Variants in SCD5 observed in about 807,000 individuals in gnomAD.
The protein encoded by SCD5 is acyl-CoA-desaturase 4.
A neutral mutation model predicts 30.4 loss-of-function variants in SCD5; 20 were observed. That is an observed-to-expected ratio of 0.66 (90% CI 0.46 to 0.96). The LOEUF (loss-of-function observed/expected upper bound fraction) is 0.96, where lower values mean the gene tolerates loss of function less well. Among genes scored for constraint, SCD5 ranks in the 40% least tolerant of loss-of-function variants. The pLI, the probability that SCD5 is intolerant of heterozygous loss-of-function variation, is 0.00. For missense variants in SCD5, 381 were observed against 443.3 expected (o/e 0.86, Z 1.26); for synonymous variants, 173 against 176.4 (o/e 0.98, Z 0.16).
intron 1 of SCD5, among the ~76,000 whole-genome samples, chr4:82,753,171 GAC>G (rs376502957): frequency 3.8e-4 from 58 of 152,264 alleles, no homozygotes; most frequent in Non-Finnish European, 7.6e-4. Context: ...CAGTTTGAGA[GAC>G]ATGTGTCTAG....
chr4:82,784,693 T>G (rs866162725), intron 1 of SCD5, among the ~76,000 whole-genome samples: 9 of 151,218 alleles, frequency 6.0e-5, no homozygotes, highest in Admixed American at 1.3e-4. Flanking sequence ...TAACAGACTG[T>G]TTTTTTTTAA....
chr4:82,749,137 A>C (rs1370059647), intron 1 of SCD5, among the ~76,000 whole-genome samples: 1 of 152,252 alleles, frequency 6.6e-6, no homozygotes, highest in Non-Finnish European at 1.5e-5. Flanking sequence ...AAGGCAAGCT[A>C]GTTTTATACT....
chr4:82,662,280 T>C (rs184669845), intron 3 of SCD5, among the ~76,000 whole-genome samples: 56 of 152,238 alleles, frequency 3.7e-4, no homozygotes, highest in Admixed American at 8.5e-4. Flanking sequence ...CTCAGACTCC[T>C]GGCTTAAAGC....
At chr4:82,670,073 T>C (rs985776938) in intron 3 of SCD5, among the ~76,000 whole-genome samples, 12 of 152,150 alleles carry the variant, frequency 7.9e-5, no homozygotes, top group African/African-American at 2.7e-4. Context: ...GCAGTTCCTT[T>C]TACTCAGTAC....
At chr4:82,746,308 G>A (rs1720981035) in intron 1 of SCD5, among the ~76,000 whole-genome samples, 4 of 152,232 alleles carry the variant, frequency 2.6e-5, no homozygotes, top group Admixed American at 2.6e-4. Context: ...CCAGGCTAGA[G>A]CTCTCTTAGG....
chr4:82,769,531 T>A (rs1311365537), intron 1 of SCD5, among the ~76,000 whole-genome samples: 1 of 152,146 alleles, frequency 6.6e-6, no homozygotes, highest in Non-Finnish European at 1.5e-5. Flanking sequence ...AGTATTGAAC[T>A]GGGGAAAACT....
chr4:82,763,251 T>A (rs1287161487), intron 1 of SCD5, among the ~76,000 whole-genome samples: 2 of 152,076 alleles, frequency 1.3e-5, no homozygotes, highest in African/African-American at 4.8e-5. Flanking sequence ...GTGACTCACA[T>A]CTGTAATCCC....
At chr4:82,720,441 TAAAAAAAAA>T (rs1553917690) in intron 1 of SCD5, among the ~76,000 whole-genome samples, 1,084 of 77,940 alleles carry the variant, frequency 0.014, 41 homozygotes, top group African/African-American at 0.055. Flanking sequence ...AAGGCAAAAA[TAAAAAAAAA>T]AAAAAAAAAA....
intron 3 of SCD5, among the ~76,000 whole-genome samples, chr4:82,671,676 G>A (rs937604156): frequency 1.3e-5 from 2 of 152,248 alleles, no homozygotes; most frequent in East Asian, 1.9e-4. Context: ...TCAGGAGTTC[G>A]AAACCAGCCT....
chr4:82,664,420 A>C (rs980868590), intron 3 of SCD5, among the ~76,000 whole-genome samples: 1 of 122,644 alleles, frequency 8.2e-6, no homozygotes, highest in Non-Finnish European at 1.7e-5. Flanking sequence ...ATTCAATTAA[A>C]ATTGAGTCAC....
intron 1 of SCD5, among the ~76,000 whole-genome samples, chr4:82,711,672 C>T (rs1720089544): frequency 6.6e-6 from 1 of 151,178 alleles, no homozygotes; most frequent in East Asian, 1.9e-4. Flanking sequence ...CACCACTGTT[C>T]TCCAGCCTGG....
chr4:82,788,816 C>T (rs1430602393), intron 1 of SCD5, among the ~76,000 whole-genome samples: 2 of 152,208 alleles, frequency 1.3e-5, no homozygotes, highest in African/African-American at 4.8e-5. Flanking sequence ...AGGACATTGA[C>T]TCCATGTGCT....
intron 3 of SCD5, among the ~76,000 whole-genome samples, chr4:82,680,136 G>A (rs1300741188): frequency 6.6e-6 from 1 of 152,160 alleles, no homozygotes; most frequent in African/African-American, 2.4e-5. Flanking sequence ...GCAAATGCTG[G>A]CCGACTGGGT....
rs183668727 is a variant in SCD5, at chr4:82,758,788, G to A, written c.232+39518C>T. Among the ~76,000 whole-genome samples the A allele has an allele frequency of 3.5e-3, 530 of 152,204 alleles. 3 individuals are homozygous for A. The highest frequency in any genetic ancestry group is 0.012 in the African/African-American group (510 of 41,504). On this transcript the variant is annotated intron_variant, in intron 1 of 4. Transcript: ENST00000319540. Reference sequence around the variant, plus strand: ...GACACTGTAAGATGGGCCGGCACCCGCGGAGCTCAGGAAAGAAGGACTGAC... The same window carrying A: ...GACACTGTAAGATGGGCCGGCACCCACGGAGCTCAGGAAAGAAGGACTGAC...
At chr4:82,682,500 GTAT>G (rs1263695845) in intron 2 of SCD5, among the ~76,000 whole-genome samples, 1 of 152,022 alleles carries the variant, frequency 6.6e-6, no homozygotes, top group African/African-American at 2.4e-5. Context: ...ATAAATTTAA[GTAT>G]TATATTACAT....
chr4:82,727,233 C>G (rs762800835), intron 1 of SCD5, among the ~76,000 whole-genome samples: 8 of 152,144 alleles, frequency 5.3e-5, no homozygotes, highest in Non-Finnish European at 8.8e-5. Context: ...GTGGACAAGG[C>G]CTTGGTCCTG....
intron 1 of SCD5, among the ~76,000 whole-genome samples, chr4:82,787,861 T>C (rs1360502709): frequency 6.6e-6 from 1 of 152,026 alleles, no homozygotes; most frequent in African/African-American, 2.4e-5. Flanking sequence ...AGACCCTCAT[T>C]CTCTACAAAA....
chr4:82,644,345 A>C (rs1293654262), intron 3 of SCD5, among the ~76,000 whole-genome samples: 1 of 152,150 alleles, frequency 6.6e-6, no homozygotes, highest in East Asian at 1.9e-4. Flanking sequence ...GATCCCAAGG[A>C]CCTGCTCCAG....
intron 1 of SCD5, among the ~76,000 whole-genome samples, chr4:82,709,767 T>G (rs565952539): frequency 1.3e-5 from 2 of 152,240 alleles, no homozygotes; most frequent in African/African-American, 2.4e-5. Context: ...TATATATCCA[T>G]GTTCATAGCA....
Sources: allele counts gnomAD v4.1 joint callset (sites outside exome capture counted in the v4.1 genomes callset), GRCh38; gene constraint gnomAD v4.1.1; transcripts MANE v1.5; gene names NCBI Gene and HGNC (gene_info 2026-07-23, HGNC 2026-07-21).